The following MAGI2 variants were observed in gnomAD, a reference collection of about 807,000 sequenced individuals.
MAGI2 encodes membrane associated guanylate kinase, WW and PDZ domain containing 2.
A neutral mutation model predicts 133.3 loss-of-function variants in MAGI2; 35 were observed. The ratio of observed to expected loss-of-function variants is 0.26; its 90% CI spans 0.20 to 0.35. The LOEUF is 0.35. MAGI2 is among the 10% of genes least tolerant of loss of function. MAGI2 has a pLI of 1.00. For synonymous variants in MAGI2, 729 were observed against 710.6 expected, an observed-to-expected ratio of 1.03 and a Z score of -0.41; for missense variants, 1,636 against 1,863.4, an observed-to-expected ratio of 0.88 and a Z score of 2.25.
intron 6 of MAGI2, among the ~76,000 whole-genome samples, chr7:78,475,092 C>T (rs1441313247): frequency 6.6e-6 from 1 of 151,876 alleles, no homozygotes; most frequent in South Asian, 2.1e-4. Context: ...ACCAAGTTGG[C>T]GTTTGGACCT....
At chr7:78,876,060 T>A (rs1360341669) in intron 2 of MAGI2, among the ~76,000 whole-genome samples, 1 of 152,092 alleles carries the variant, frequency 6.6e-6, no homozygotes, top group Non-Finnish European at 1.5e-5. Context: ...CAGTGGCTCA[T>A]GCCTGTAATT....
intron 2 of MAGI2, among the ~76,000 whole-genome samples, chr7:79,003,006 G>A (rs1293725609): frequency 6.6e-6 from 1 of 151,662 alleles, no homozygotes. Context: ...TATGGGGCAT[G>A]GAACAGATTG....
chr7:78,767,679 T>A (rs1825166748), intron 2 of MAGI2, among the ~76,000 whole-genome samples: 1 of 152,224 alleles, frequency 6.6e-6, no homozygotes, highest in Non-Finnish European at 1.5e-5. Flanking sequence ...AGCTTTGTGA[T>A]TAAAAATGTT....
intron 6 of MAGI2, among the ~76,000 whole-genome samples, chr7:78,384,135 A>T (rs899443594): frequency 1.3e-5 from 2 of 152,080 alleles, no homozygotes; most frequent in Admixed American, 1.3e-4. Flanking sequence ...ATGAAGAATG[A>T]CATTAGTATT....
chr7:78,868,953 C>G, intron 2 of MAGI2, among the ~76,000 whole-genome samples: 1 of 152,098 alleles, frequency 6.6e-6, no homozygotes, highest in Middle Eastern at 3.2e-3. Context: ...CGGGGTTTCA[C>G]CATGTTAGCC....
At chr7:79,032,674 G>A (rs1810719321) in intron 1 of MAGI2, among the ~76,000 whole-genome samples, 1 of 151,818 alleles carries the variant, frequency 6.6e-6, no homozygotes, top group South Asian at 2.1e-4. Context: ...GTAGCTTTCA[G>A]GGAATCTATT....
intron 2 of MAGI2, among the ~76,000 whole-genome samples, chr7:78,836,694 T>G (rs1271420723): frequency 6.6e-6 from 1 of 152,192 alleles, no homozygotes; most frequent in Non-Finnish European, 1.5e-5. Flanking sequence ...AATAAATGTA[T>G]CAAAGTGATG....
At chr7:78,342,756 C>T (rs1319010693) in intron 9 of MAGI2, among the ~76,000 whole-genome samples, 1 of 152,058 alleles carries the variant, frequency 6.6e-6, no homozygotes, top group African/African-American at 2.4e-5. Flanking sequence ...GGGAGTTGAA[C>T]AATGAGAACA....
intron 3 of MAGI2, among the ~76,000 whole-genome samples, chr7:78,529,667 GGTTTTTTTTTTT>G (rs1797277899): frequency 1.8e-5 from 1 of 56,320 alleles, no homozygotes; most frequent in African/African-American, 6.5e-5. Flanking sequence ...TAAAGGAGAT[GGTTTTTTTTTTT>G]TTTTTTTTTT....
intron 1 of MAGI2, among the ~76,000 whole-genome samples, chr7:79,149,218 C>T (rs907219151): frequency 6.7e-6 from 1 of 149,148 alleles, no homozygotes; most frequent in African/African-American, 2.5e-5. Flanking sequence ...GAGAGAACCA[C>T]GGTATACTTC....
intron 9 of MAGI2, among the ~76,000 whole-genome samples, chr7:78,310,951 G>A (rs1291885366): frequency 6.6e-6 from 1 of 152,170 alleles, no homozygotes; most frequent in Non-Finnish European, 1.5e-5. Flanking sequence ...GATCAAAGGT[G>A]AAGATGTAGC....
intron 1 of MAGI2, among the ~76,000 whole-genome samples, chr7:79,091,887 A>G (rs1817083971): frequency 6.6e-6 from 1 of 152,096 alleles, no homozygotes; most frequent in Non-Finnish European, 1.5e-5. Context: ...TAAAAATGTG[A>G]AAACCACAGT....
intron 7 of MAGI2, among the ~76,000 whole-genome samples, chr7:78,364,828 A>T (rs1793206517): frequency 6.6e-6 from 1 of 152,212 alleles, no homozygotes; most frequent in South Asian, 2.1e-4. Context: ...GTTATTAAAA[A>T]ATTTTCCTAT....
intron 10 of MAGI2, among the ~76,000 whole-genome samples, chr7:78,220,372 C>T (rs1216009647): frequency 6.6e-6 from 1 of 152,210 alleles, no homozygotes; most frequent in African/African-American, 2.4e-5. Flanking sequence ...GCACTCTCAT[C>T]ACAGCACCTG....
chr7:78,370,115 C>G (rs902005008), intron 6 of MAGI2, among the ~76,000 whole-genome samples: 8 of 151,992 alleles, frequency 5.3e-5, no homozygotes, highest in African/African-American at 1.9e-4. Context: ...ATATGTATCA[C>G]TGTAGACAAA....
chr7:79,100,772 C>G (rs923394638), intron 1 of MAGI2, among the ~76,000 whole-genome samples: 4 of 151,698 alleles, frequency 2.6e-5, no homozygotes, highest in African/African-American at 9.7e-5. Context: ...ACTTTATAGT[C>G]ATAGGTATTT....
At chr7:78,658,925 A>T (rs914362718) in intron 2 of MAGI2, among the ~76,000 whole-genome samples, 4 of 152,208 alleles carry the variant, frequency 2.6e-5, no homozygotes, top group African/African-American at 9.7e-5. Context: ...AACAAAGTTA[A>T]ACATACAACT....
chr7:79,381,579 A>C (rs1321214076), intron 1 of MAGI2, among the ~76,000 whole-genome samples: 1 of 151,750 alleles, frequency 6.6e-6, no homozygotes, highest in Non-Finnish European at 1.5e-5. Flanking sequence ...ATAATGGCCC[A>C]TAAAAATCAG....
intron 10 of MAGI2, chr7:78,255,671 G>T: frequency 1.7e-6 from 1 of 574,684 alleles, no homozygotes; most frequent in East Asian, 3.0e-5. Context: ...TCATAGTTGG[G>T]GATTTAATCT....
Sources: gnomAD v4.1 joint callset for allele counts (sites outside exome capture counted in the v4.1 genomes callset) on GRCh38, gnomAD v4.1.1 for gene constraint, MANE v1.5 for transcripts, NCBI Gene and HGNC (gene_info 2026-07-23, HGNC 2026-07-21) for gene names.